Variants in MYLK observed in about 807,000 individuals in gnomAD.
The protein encoded by MYLK is myosin light chain kinase, smooth muscle.
Under a neutral mutation model 203.4 loss-of-function variants are expected in MYLK, and 106 were observed. The observed-to-expected ratio is 0.52, with a 90% CI of 0.45 to 0.61. The LOEUF is 0.61. Ranked by LOEUF, MYLK falls within the 20% of genes least tolerant of loss-of-function variation. The pLI is 0.00. For missense variants in MYLK, 2,072 were observed against 2,442.3 expected, an observed-to-expected ratio of 0.85 and a Z score of 3.20; for synonymous variants, 867 against 959.5, an observed-to-expected ratio of 0.90 and a Z score of 1.78.
intron 20 of MYLK, among the ~76,000 whole-genome samples, chr3:123,679,885 C>T (rs149417055): frequency 2.4e-3 from 361 of 152,302 alleles, no homozygotes; most frequent in Admixed American, 3.2e-3. Flanking sequence ...CCACACTTAA[C>T]AGAGGCAGCA....
chr3:123,848,942 T>C (rs769834449), intron 2 of MYLK, among the ~76,000 whole-genome samples: 38 of 152,162 alleles, frequency 2.5e-4, no homozygotes, highest in Non-Finnish European at 3.8e-4. Context: ...ATAAAATTTA[T>C]AGTAATACCT....
intron 11 of MYLK, among the ~76,000 whole-genome samples, chr3:123,731,779 C>T (rs561087146): frequency 3.5e-3 from 70 of 19,784 alleles, no homozygotes; most frequent in Non-Finnish European, 0.019. Flanking sequence ...AACAGATGAA[C>T]TTATAAAAAA....
chr3:123,646,621 G>A (rs1445271328), intron 27 of MYLK, among the ~76,000 whole-genome samples: 4 of 152,226 alleles, frequency 2.6e-5, no homozygotes, highest in African/African-American at 7.2e-5. Context: ...TGAATTCTGC[G>A]AAAGGCTTGG....
intron 2 of MYLK, among the ~76,000 whole-genome samples, chr3:123,850,769 T>C (rs536246293): frequency 2.6e-5 from 4 of 152,378 alleles, no homozygotes; most frequent in South Asian, 4.1e-4. Context: ...TTTGTCAATT[T>C]TGGCTTTTGT....
At chr3:123,845,687 G>A (rs1217159541) in intron 2 of MYLK, among the ~76,000 whole-genome samples, 2 of 151,970 alleles carry the variant, frequency 1.3e-5, no homozygotes, top group Admixed American at 1.3e-4. Flanking sequence ...ACAGGGTCTT[G>A]CTCTGTAGCG....
intron 4 of MYLK, among the ~76,000 whole-genome samples, chr3:123,785,795 C>A (rs1379626624): frequency 1.3e-5 from 2 of 152,158 alleles, no homozygotes; most frequent in Non-Finnish European, 2.9e-5. Context: ...CTATTCAGCA[C>A]TTAAATAGTG....
chr3:123,666,362 G>A lies in MYLK; in HGVS notation c.3704-16C>T, dbSNP rs549545788. 1.2e-6 allele frequency: 2 copies of A among 1,614,154 alleles called. No homozygotes were observed. Among genetic ancestry groups the A allele is most frequent in the African/African-American group, 1.3e-5 (1 of 75,060 alleles). ...GGGGGCATTGCTGAGGGAGGACAGG[G>A]AGAAAGTGAGCGAGGCAGAAGGGTC... On this transcript the variant is annotated splice_polypyrimidine_tract_variant and intron_variant, in intron 21 of 33. Transcript: ENST00000360304.
intron 13 of MYLK, among the ~76,000 whole-genome samples, chr3:123,715,018 AGG>A (rs1451486230): frequency 2.6e-5 from 4 of 152,190 alleles, no homozygotes; most frequent in Non-Finnish European, 4.4e-5. Flanking sequence ...AGGCAATGTG[AGG>A]AAGAGAGAGG....
chr3:123,857,209 C>A (rs972222536), intron 2 of MYLK, among the ~76,000 whole-genome samples: 1 of 152,136 alleles, frequency 6.6e-6, no homozygotes, highest in African/African-American at 2.4e-5. Flanking sequence ...GGACTGTAAA[C>A]TAGTTCAACC....
At chr3:123,801,539 A>T (rs1433698187) in intron 3 of MYLK, among the ~76,000 whole-genome samples, 1 of 152,230 alleles carries the variant, frequency 6.6e-6, no homozygotes, top group East Asian at 1.9e-4. Flanking sequence ...TAGGGAGCAT[A>T]GTACCCAACA....
Position 123,640,447 on chromosome 3 carries a change from C to T in MYLK, c.4677G>A (p.Glu1559=), listed in dbSNP as rs769714150. The change falls in exon 28 of 34, where the codon GAG becomes GAA. Residue 1559 remains glutamate, a synonymous_variant. Coordinates refer to ENST00000360304, the MANE Select transcript of MYLK (RefSeq NM_053025.4). This position sits in a 1 kb window ranked among gnomAD's most constrained non-coding sequence, Gnocchi z 4.3. ...RIIDEDFELT[E]RECIKYMRQI... Reference sequence around the variant, plus strand: ...GCCGCATGTACTTGATGCACTCACGCTCCGTCAGCTCAAAGTCCTCGTCAA... The same window carrying T: ...GCCGCATGTACTTGATGCACTCACGTTCCGTCAGCTCAAAGTCCTCGTCAA... 4 of 1,614,120 alleles carry T rather than the reference C, an allele frequency of 2.5e-6. No homozygotes were observed. The highest frequency in any genetic ancestry group is 3.4e-6 in the Non-Finnish European group (4 of 1,180,034).
At chr3:123,796,102 T>A (rs1402091443) in intron 3 of MYLK, among the ~76,000 whole-genome samples, 8 of 152,146 alleles carry the variant, frequency 5.3e-5, no homozygotes, top group African/African-American at 1.7e-4. Flanking sequence ...ACTCACAGGT[T>A]CCCTGCAGTA....
At chr3:123,814,416 C>T (rs1490063085) in intron 3 of MYLK, among the ~76,000 whole-genome samples, 1 of 152,116 alleles carries the variant, frequency 6.6e-6, no homozygotes, top group African/African-American at 2.4e-5. Flanking sequence ...TGAACTCACC[C>T]GAGTTCCCTT....
intron 3 of MYLK, among the ~76,000 whole-genome samples, chr3:123,794,408 G>T (rs1251958454): frequency 6.6e-6 from 1 of 152,186 alleles, no homozygotes; most frequent in African/African-American, 2.4e-5. Context: ...TGAAGGGAAG[G>T]AGGTAGGCAT....
intron 24 of MYLK, among the ~76,000 whole-genome samples, chr3:123,650,410 AGT>A (rs989477206): frequency 2.6e-4 from 40 of 151,710 alleles, no homozygotes; most frequent in African/African-American, 9.2e-4. Flanking sequence ...TTAAAGTGTG[AGT>A]GTGTGTGTAT....
At chr3:123,784,376 C>CTTTTTTTTTTTTT (rs576849217) in intron 4 of MYLK, among the ~76,000 whole-genome samples, 1 of 78,662 alleles carries the variant, frequency 1.3e-5, no homozygotes, top group African/African-American at 4.8e-5. Flanking sequence ...GGTTGACTTT[C>CTTTTTTTTTTTTT]TTTTTTTTTT....
Position 123,640,594 on chromosome 3 carries a change from A to C in MYLK, c.4620-90T>G. The C allele has an allele frequency of 3.6e-6, 5 of 1,378,318 alleles. No individual in the cohort carries two copies. Among genetic ancestry groups the C allele is most frequent in the Non-Finnish European group, 5.1e-6 (5 of 976,074 alleles). The allele number at this position is 1,378,318 out of a possible 1,614,324, so 85.4% of individuals were successfully genotyped here. A position where few individuals can be genotyped will look rare whatever the true frequency, so the allele number is the denominator to read the frequency against. On this transcript the variant is annotated intron_variant, in intron 27 of 33. Coordinates refer to ENST00000360304, the MANE Select transcript of MYLK (RefSeq NM_053025.4). The surrounding 1 kb of genome is among the most constrained non-coding windows in gnomAD (Gnocchi z 4.3). Reference sequence around the variant, plus strand: ...CTGGCCAGGGTAGGCTGGGGGTAGGAGAAATTGGCAGGAAAGCCCAGGGAA... The same window carrying C: ...CTGGCCAGGGTAGGCTGGGGGTAGGCGAAATTGGCAGGAAAGCCCAGGGAA...
chr3:123,701,237 C>CA (rs35577296), intron 17 of MYLK, among the ~76,000 whole-genome samples: 8,268 of 116,216 alleles, frequency 0.071, 402 homozygotes, highest in Non-Finnish European at 0.088. Context: ...AGGGTGTGTG[C>CA]AAAAAAAAAA....
intron 29 of MYLK, among the ~76,000 whole-genome samples, chr3:123,636,261 C>T (rs2058639705): frequency 2.0e-5 from 3 of 152,224 alleles, no homozygotes; most frequent in Admixed American, 6.5e-5. Flanking sequence ...GGTCCCCTGG[C>T]CCGACTGTGG....
Sources: allele counts gnomAD v4.1 joint callset (sites outside exome capture counted in the v4.1 genomes callset), GRCh38; gene constraint gnomAD v4.1.1; non-coding constraint Gnocchi (gnomAD v3.1); transcripts MANE v1.5; gene names NCBI Gene and HGNC (gene_info 2026-07-23, HGNC 2026-07-21).